BEND6: variants seen among roughly 807,000 people sequenced by gnomAD.
BEND6 encodes the protein BEN domain containing 6, also known as BEN domain-containing protein 6.
A neutral mutation model predicts 31.8 loss-of-function variants in BEND6; 24 were observed. That is an observed-to-expected ratio of 0.75 (90% CI 0.55 to 1.06). BEND6 has a LOEUF of 1.06. Ranked by LOEUF, BEND6 falls within the 50% of genes least tolerant of loss-of-function variation. The pLI, the probability that BEND6 is intolerant of heterozygous loss-of-function variation, is 0.00. For missense variants in BEND6, 294 were observed against 327.4 expected, an observed-to-expected ratio of 0.90 and a Z score of 0.79; for synonymous variants, 109 against 114.6, an observed-to-expected ratio of 0.95 and a Z score of 0.31.
intron 1 of BEND6, among the ~76,000 whole-genome samples, chr6:56,973,461 T>C (rs1044745023): frequency 2.0e-5 from 3 of 152,178 alleles, no homozygotes; most frequent in African/African-American, 7.2e-5. Flanking sequence ...TACATACCTA[T>C]GATAATGTTT....
intron 1 of BEND6, among the ~76,000 whole-genome samples, chr6:56,973,540 A>T: frequency 6.6e-6 from 1 of 152,328 alleles, no homozygotes; most frequent in Middle Eastern, 3.4e-3. Context: ...AATTATAATG[A>T]TATACTGTAA....
At chr6:57,005,849 A>G (rs988735273) in intron 3 of BEND6, among the ~76,000 whole-genome samples, 1 of 152,184 alleles carries the variant, frequency 6.6e-6, no homozygotes, top group African/African-American at 2.4e-5. Flanking sequence ...GAAAGAATAA[A>G]CCGGCAAGAT....
At chr6:57,008,439 C>G (rs1472430776) in intron 3 of BEND6, 1 of 567,538 alleles carries the variant, frequency 1.8e-6, no homozygotes, top group African/African-American at 1.9e-5. Context: ...GGAAATCTGT[C>G]TGTGTAACTG....
rs1000126666 is a variant in BEND6 at position 57,026,151 on chromosome 6, C to A, written c.*79C>A. The A allele has an allele frequency of 2.6e-5, 4 of 152,152 alleles. No homozygotes were observed. Among genetic ancestry groups the A allele is most frequent in the Admixed American group, 6.5e-5 (1 of 15,278 alleles). The allele number at this position is 152,152 out of a possible 1,614,324, so 9.4% of individuals were successfully genotyped here. A position where few individuals can be genotyped will look rare whatever the true frequency, so the allele number is the denominator to read the frequency against. On this transcript the variant is annotated 3_prime_UTR_variant, in exon 7 of 7. Transcript: ENST00000370746. Reference sequence around the variant, plus strand: ...GCACTGGATTTTGTTGGAGAATCTGCAGCCTTCCTGGCAGTGAGAAAGACA... The same window carrying A: ...GCACTGGATTTTGTTGGAGAATCTGAAGCCTTCCTGGCAGTGAGAAAGACA...
At chr6:56,967,345 C>CCAAAGGGAG (rs946456380) in intron 1 of BEND6, among the ~76,000 whole-genome samples, 2 of 152,054 alleles carry the variant, frequency 1.3e-5, no homozygotes, top group Non-Finnish European at 2.9e-5. Flanking sequence ...CAGCCCTGGA[C>CCAAAGGGAG]CAAAGGGAGA....
chr6:57,004,654 G>C, intron 3 of BEND6: 1 of 1,229,438 alleles, frequency 8.1e-7, no homozygotes, highest in Non-Finnish European at 1.2e-6. Context: ...AATGGAGTGG[G>C]CATTACATTT....
intron 1 of BEND6, among the ~76,000 whole-genome samples, chr6:56,973,262 G>A (rs533084376): frequency 2.0e-5 from 3 of 152,206 alleles, no homozygotes; most frequent in East Asian, 3.9e-4. Context: ...TAATAGGTCC[G>A]TGTCAGTTAA....
chr6:57,006,343 A>G (rs1206525558), intron 3 of BEND6, among the ~76,000 whole-genome samples: 2 of 152,232 alleles, frequency 1.3e-5, no homozygotes, highest in South Asian at 2.1e-4. Flanking sequence ...AAGGGCCCAC[A>G]TACTGATTAA....
At chr6:57,015,604 T>C (rs1827526820) in intron 4 of BEND6, among the ~76,000 whole-genome samples, 1 of 150,564 alleles carries the variant, frequency 6.6e-6, no homozygotes, top group African/African-American at 2.5e-5. Context: ...GAGACCATCC[T>C]GGCTAACACA....
chr6:56,986,722 C>T (rs369063826), intron 2 of BEND6, among the ~76,000 whole-genome samples: 6 of 152,114 alleles, frequency 3.9e-5, no homozygotes, highest in African/African-American at 1.4e-4. Context: ...GGGAAGTGAA[C>T]CAAGTTTTTC....
chr6:56,967,081 T>C (rs1825508750), intron 1 of BEND6, among the ~76,000 whole-genome samples: 1 of 151,918 alleles, frequency 6.6e-6, no homozygotes, highest in Admixed American at 6.6e-5. Flanking sequence ...CATAGGGAGA[T>C]AGCAGGTGGA....
chr6:56,956,569 T>C (rs116238282), intron 1 of BEND6, among the ~76,000 whole-genome samples: 2,049 of 152,330 alleles, frequency 0.013, 50 homozygotes, highest in African/African-American at 0.046. Context: ...ACATTCGAAT[T>C]GTTGACATGT....
At chr6:56,992,591 G>A in intron 3 of BEND6, 36 bp downstream of exon 3, 2 of 1,586,138 alleles carry the variant, frequency 1.3e-6, no homozygotes, top group Non-Finnish European at 1.7e-6. Flanking sequence ...TAGATAAAAG[G>A]GAAAGTATAT....
chr6:57,008,878 C>G (rs965990496), intron 3 of BEND6: 5 of 152,168 alleles, frequency 3.3e-5, no homozygotes, highest in Non-Finnish European at 5.9e-5. Flanking sequence ...CATAGGGAAT[C>G]AACTTAAGTG....
chr6:56,992,108 A>G (rs1307758868), intron 2 of BEND6, among the ~76,000 whole-genome samples: 1 of 152,108 alleles, frequency 6.6e-6, no homozygotes, highest in Non-Finnish European at 1.5e-5. Context: ...CTGTTTTGCT[A>G]ATTTTCTACT....
At chr6:56,999,682 C>G (rs1234104435) in intron 3 of BEND6, among the ~76,000 whole-genome samples, 1 of 152,256 alleles carries the variant, frequency 6.6e-6, no homozygotes. Context: ...GCACAGACCA[C>G]TGTGTACTCC....
At chr6:57,004,132 A>C (rs1170720374) in intron 3 of BEND6, among the ~76,000 whole-genome samples, 6 of 152,156 alleles carry the variant, frequency 3.9e-5, no homozygotes, top group Admixed American at 3.9e-4. Context: ...AAGGATGACC[A>C]CTGTCATCAC....
chr6:56,993,422 G>A (rs1053843763), intron 3 of BEND6, among the ~76,000 whole-genome samples: 4 of 152,124 alleles, frequency 2.6e-5, no homozygotes, highest in Non-Finnish European at 5.9e-5. Flanking sequence ...CACCAGAAAG[G>A]CCATACAATT....
At chr6:57,011,717 AAAAAAAAAAAAAAAAAAAG>A (rs1408973049) in intron 3 of BEND6, among the ~76,000 whole-genome samples, 4 of 142,248 alleles carry the variant, frequency 2.8e-5, no homozygotes, top group Non-Finnish European at 4.6e-5. Context: ...CCCTGTCTCA[AAAAAAAAAAAAAAAAAAAG>A]AAAAAAAAAG....
Sources: allele counts gnomAD v4.1 joint callset (sites outside exome capture counted in the v4.1 genomes callset), GRCh38; gene constraint gnomAD v4.1.1; transcripts MANE v1.5; gene names NCBI Gene and HGNC (gene_info 2026-07-23, HGNC 2026-07-21).